SORCS3: variants seen among roughly 807,000 people sequenced by gnomAD.
SORCS3 encodes VPS10 domain-containing receptor SorCS3.
Under a neutral mutation model 146.3 loss-of-function variants are expected in SORCS3, and 57 were observed. That is an observed-to-expected ratio of 0.39 (90% CI 0.31 to 0.49). SORCS3 has a LOEUF of 0.49. Among genes scored for constraint, SORCS3 ranks in the 20% least tolerant of loss-of-function variants. The probability of loss-of-function intolerance (pLI) is 0.92; values close to 1 mark genes in which losing one functional copy is unlikely to be tolerated. For missense variants in SORCS3, 1,341 were observed against 1,575.5 expected (o/e 0.85, Z 2.52); for synonymous variants, 653 against 618.5 (o/e 1.06, Z -0.83).
chr10:104,763,060 C>T (rs1453160832), intron 1 of SORCS3, among the ~76,000 whole-genome samples: 4 of 152,126 alleles, frequency 2.6e-5, no homozygotes, highest in Non-Finnish European at 2.9e-5. Flanking sequence ...GCCTTAAATG[C>T]AGGGAGGATA....
intron 3 of SORCS3, among the ~76,000 whole-genome samples, chr10:104,948,255 G>A (rs1347825517): frequency 1.3e-5 from 2 of 152,130 alleles, no homozygotes; most frequent in African/African-American, 2.4e-5. Flanking sequence ...GTCTGTCCAC[G>A]GGGTTATGCT....
chr10:105,164,096 T>C (rs1165422363), intron 11 of SORCS3, among the ~76,000 whole-genome samples: 1 of 152,230 alleles, frequency 6.6e-6, no homozygotes, highest in Non-Finnish European at 1.5e-5. Flanking sequence ...CATTGAATGA[T>C]GCATTTCTGT....
At chr10:104,690,285 G>A (rs2016096559) in intron 1 of SORCS3, among the ~76,000 whole-genome samples, 1 of 152,120 alleles carries the variant, frequency 6.6e-6, no homozygotes, top group African/African-American at 2.4e-5. Context: ...GGATTTGACG[G>A]GTCAGTCCTC....
At chr10:104,700,847 AC>A (rs1356796452) in intron 1 of SORCS3, among the ~76,000 whole-genome samples, 1 of 152,170 alleles carries the variant, frequency 6.6e-6, no homozygotes, top group East Asian at 1.9e-4. Flanking sequence ...AGAGACAGGG[AC>A]CTATTGGATC....
At chr10:104,735,111 A>G (rs1301185396) in intron 1 of SORCS3, among the ~76,000 whole-genome samples, 1 of 152,194 alleles carries the variant, frequency 6.6e-6, no homozygotes, top group Non-Finnish European at 1.5e-5. Context: ...ATCAAGAAAG[A>G]GAAGGGCTCC....
At chr10:105,165,083 T>G (rs966000221) in intron 12 of SORCS3, among the ~76,000 whole-genome samples, 3 of 152,166 alleles carry the variant, frequency 2.0e-5, no homozygotes, top group Admixed American at 2.0e-4. Context: ...AATTTAAATT[T>G]AAATACTCTC....
intron 1 of SORCS3, chr10:104,665,986 A>C (rs2015771199): frequency 6.6e-6 from 1 of 152,178 alleles, no homozygotes; most frequent in Non-Finnish European, 1.5e-5. Flanking sequence ...CAAAAGGTGA[A>C]GTCTCTGGTG....
chr10:105,035,879 C>A (rs1375417742), intron 4 of SORCS3, among the ~76,000 whole-genome samples: 2 of 152,136 alleles, frequency 1.3e-5, no homozygotes, highest in Admixed American at 6.5e-5. Flanking sequence ...AATTTGAAAA[C>A]CAGGTGTGCA....
At chr10:104,642,007 TGGG>T in intron 1 of SORCS3, 53 bp downstream of exon 1, 6 of 59,374 alleles carry the variant, frequency 1.0e-4, no homozygotes, top group Non-Finnish European at 1.7e-4. Flanking sequence ...CGAAGGGGAA[TGGG>T]GGGGTGGGTG....
At chr10:104,985,229 C>A (rs1041696167) in intron 4 of SORCS3, among the ~76,000 whole-genome samples, 1 of 152,126 alleles carries the variant, frequency 6.6e-6, no homozygotes, top group Non-Finnish European at 1.5e-5. Flanking sequence ...AAAATTCTTT[C>A]TTGTCATTTC....
intron 1 of SORCS3, among the ~76,000 whole-genome samples, chr10:104,715,798 A>G (rs1332436940): frequency 6.6e-6 from 1 of 152,134 alleles, no homozygotes; most frequent in Non-Finnish European, 1.5e-5. Flanking sequence ...TCTCACTAGG[A>G]TTATTGCAGT....
At chr10:104,647,513 T>G (rs1589445923) in intron 1 of SORCS3, among the ~76,000 whole-genome samples, 1 of 152,234 alleles carries the variant, frequency 6.6e-6, no homozygotes. Context: ...TGGTGAGTGA[T>G]TTGAGGGTAA....
chr10:105,237,316 A>T (rs1396173022), intron 20 of SORCS3, among the ~76,000 whole-genome samples: 2 of 152,166 alleles, frequency 1.3e-5, no homozygotes, highest in Non-Finnish European at 2.9e-5. Context: ...GTAATGTCTG[A>T]GTAATAACAG....
intron 20 of SORCS3, among the ~76,000 whole-genome samples, chr10:105,224,613 T>G (rs753854131): frequency 6.6e-6 from 1 of 152,166 alleles, no homozygotes; most frequent in Non-Finnish European, 1.5e-5. Flanking sequence ...AAGAGCATGA[T>G]TTCTGGATCT....
chr10:105,149,834 AT>A (rs1415635340), intron 9 of SORCS3, among the ~76,000 whole-genome samples: 1 of 152,164 alleles, frequency 6.6e-6, no homozygotes, highest in African/African-American at 2.4e-5. Flanking sequence ...ACACAGTGAT[AT>A]GGAATGAGGC....
rs1276976539 is a variant in SORCS3 at position 104,698,733 on chromosome 10, C to G, written c.627+56779C>G. ...ACTTTGCAAAAGAATTGTCCCTACC[C>G]TGAGAGGCTGGCATTGTAGTTGGGG... On this transcript the variant is annotated intron_variant, in intron 1 of 26. Transcript: ENST00000369701. Among the ~76,000 whole-genome samples, 3 of 152,118 alleles carry G rather than the reference C, an allele frequency of 2.0e-5. No homozygotes were observed. In the South Asian group the frequency reaches 6.2e-4, roughly 31 times the overall value.
At chr10:105,199,844 C>T (rs2056564040) in intron 14 of SORCS3, among the ~76,000 whole-genome samples, 155 bp from the exon 15 acceptor site, 2 of 152,162 alleles carry the variant, frequency 1.3e-5, no homozygotes, top group African/African-American at 4.8e-5. Flanking sequence ...GGATAGTGGA[C>T]TTTCTCCTTA....
chr10:105,257,050 A>G (rs535114904), intron 25 of SORCS3, 126 bp downstream of exon 25: 54 of 720,534 alleles, frequency 7.5e-5, no homozygotes, highest in African/African-American at 7.3e-4. Flanking sequence ...CTTCTGTTTG[A>G]CAATGGGTAA....
At chr10:104,916,022 T>C in intron 3 of SORCS3, 90 bp downstream of exon 3, 1 of 928,242 alleles carries the variant, frequency 1.1e-6, no homozygotes, top group South Asian at 1.4e-5. Flanking sequence ...TCAGTTGTCA[T>C]TGAATCATTT....
Sources: gnomAD v4.1 joint callset for allele counts (sites outside exome capture counted in the v4.1 genomes callset) on GRCh38, gnomAD v4.1.1 for gene constraint, MANE v1.5 for transcripts, NCBI Gene and HGNC (gene_info 2026-07-23, HGNC 2026-07-21) for gene names.